EGLN1: variants seen among roughly 807,000 people sequenced by gnomAD.
The protein encoded by EGLN1 is egl-9 family hypoxia inducible factor 1, also known as egl nine homolog 1.
Under a neutral mutation model 38.3 loss-of-function variants are expected in EGLN1, and 17 were observed. The observed-to-expected ratio is 0.44, with a 90% CI of 0.30 to 0.67. The LOEUF is 0.67. Among genes scored for constraint, EGLN1 ranks in the 30% least tolerant of loss-of-function variants. EGLN1 has a pLI of 0.08. For missense variants in EGLN1, 477 were observed against 603.3 expected (o/e 0.79, Z 2.19); for synonymous variants, 283 against 257.5 (o/e 1.10, Z -0.95).
intron 1 of EGLN1, among the ~76,000 whole-genome samples, chr1:231,416,734 C>T (rs1689093152): frequency 6.6e-6 from 1 of 152,154 alleles, no homozygotes; most frequent in South Asian, 2.1e-4. Context: ...ATGTAAACTA[C>T]ACATCAACTC....
At chr1:231,396,912 C>A (rs1351670750) in intron 1 of EGLN1, among the ~76,000 whole-genome samples, 1 of 151,816 alleles carries the variant, frequency 6.6e-6, no homozygotes, top group African/African-American at 2.4e-5. Flanking sequence ...CTTGCTATGT[C>A]TCTAATCTGT....
At chr1:231,369,551 C>T in intron 3 of EGLN1, 3 of 985,212 alleles carry the variant, frequency 3.0e-6, no homozygotes, top group Non-Finnish European at 3.6e-6. Context: ...GGTTTCCATT[C>T]AGGATTTCTT....
rs572080656 is a variant in EGLN1 at position 231,412,337 on chromosome 1, T to A, written c.891+8661A>T. ...TAATTCCATTCTTCCCAATTTTCTG[T>A]AACAGTTTTATTTTCAACAGTAGGT... On this transcript the variant is annotated intron_variant, in intron 1 of 4. Transcript: ENST00000366641. Among the ~76,000 whole-genome samples the A allele has an allele frequency of 6.6e-5, 10 of 152,356 alleles. No individual in the cohort carries two copies. The Middle Eastern group carries it at 0.01, about 155-fold the overall frequency.
At chr1:231,405,959 A>G (rs1458102979) in intron 1 of EGLN1, among the ~76,000 whole-genome samples, 6 of 148,810 alleles carry the variant, frequency 4.0e-5, no homozygotes, top group African/African-American at 1.5e-4. Context: ...GTTTCATTTT[A>G]GTTAGTAAGC....
chr1:231,400,312 T>C (rs1688634364), intron 1 of EGLN1, among the ~76,000 whole-genome samples: 1 of 152,092 alleles, frequency 6.6e-6, no homozygotes, highest in East Asian at 1.9e-4. Flanking sequence ...GGTATATATA[T>C]ATTTTCTCCA....
chr1:231,417,306 TTATG>T (rs1418265002), intron 1 of EGLN1, among the ~76,000 whole-genome samples: 1 of 152,218 alleles, frequency 6.6e-6, no homozygotes, highest in African/African-American at 2.4e-5. Flanking sequence ...CTCCTTTTCT[TTATG>T]TATGTTTTAA....
intron 1 of EGLN1, among the ~76,000 whole-genome samples, chr1:231,388,238 G>A (rs1688270773): frequency 6.6e-6 from 1 of 151,050 alleles, no homozygotes; most frequent in South Asian, 2.1e-4. Context: ...GAGGATGGAG[G>A]CCTCACATTT....
chr1:231,392,618 T>TA (rs1271594595), intron 1 of EGLN1, among the ~76,000 whole-genome samples: 1 of 152,220 alleles, frequency 6.6e-6, no homozygotes, highest in Non-Finnish European at 1.5e-5. Flanking sequence ...TTCCTAGCTG[T>TA]ATTTGGAAAT....
At chr1:231,394,454 C>T (rs1472096438) in intron 1 of EGLN1, among the ~76,000 whole-genome samples, 6 of 151,386 alleles carry the variant, frequency 4.0e-5, no homozygotes, top group Non-Finnish European at 7.4e-5. Context: ...TCTCGGCTCA[C>T]TGCAAGCTCC....
In EGLN1 at chr1:231,370,588, A is replaced by G; in HGVS notation, c.1122T>C (p.His374=). 1 of 1,614,032 alleles carries G rather than the reference A, an allele frequency of 6.2e-7. No individual in the cohort carries two copies. Among genetic ancestry groups the G allele is most frequent in the South Asian group, 1.1e-5 (1 of 91,080 alleles). ...LFFWSDRRNP[H]EVQPAYATRY... Reference sequence around the variant, plus strand: ...TTGTAGCATATGCTGGTTGTACTTCATGAGGGTTGCGACGGTCAGACCAGA... The same window carrying G: ...TTGTAGCATATGCTGGTTGTACTTCGTGAGGGTTGCGACGGTCAGACCAGA... Residue 374 remains histidine (H), a synonymous_variant, in exon 3 of 5, where the codon CAT becomes CAC. Transcript: ENST00000366641.
chr1:231,376,634 T>C (rs1159578857), intron 1 of EGLN1, among the ~76,000 whole-genome samples: 1 of 152,306 alleles, frequency 6.6e-6, no homozygotes, highest in Middle Eastern at 3.4e-3. Flanking sequence ...GAGGGGACTA[T>C]TGTACTATGA....
chr1:231,365,767 A>T lies in EGLN1; in HGVS notation c.*644T>A, dbSNP rs1040089371. The T allele has an allele frequency of 4.6e-5, 7 of 152,586 alleles. No individual in the cohort carries two copies. Among genetic ancestry groups the T allele is most frequent in the African/African-American group, 1.7e-4 (7 of 41,468 alleles). The allele number at this position is 152,586 out of a possible 1,614,324, so 9.5% of individuals were successfully genotyped here. A position where few individuals can be genotyped will look rare whatever the true frequency, so the allele number is the denominator to read the frequency against. ...GGTTTCGTTATTGACAATGTCAAAA[A>T]AAAAGCAGCAATCTTTAACAGTTCA... On this transcript the variant is annotated 3_prime_UTR_variant, in exon 5 of 5. Transcript: ENST00000366641.
At chr1:231,379,784 C>T (rs1688037290) in intron 1 of EGLN1, among the ~76,000 whole-genome samples, 1 of 152,220 alleles carries the variant, frequency 6.6e-6, no homozygotes, top group South Asian at 2.1e-4. Flanking sequence ...ACATTGGCCT[C>T]GGCCAGGAAT....
intron 1 of EGLN1, among the ~76,000 whole-genome samples, chr1:231,388,430 T>C (rs1558385738): frequency 6.6e-6 from 1 of 152,214 alleles, no homozygotes; most frequent in Non-Finnish European, 1.5e-5. Flanking sequence ...TCTGCCAGCC[T>C]GCCAGGAGGT....
At chr1:231,399,662 C>A (rs1688616616) in intron 1 of EGLN1, among the ~76,000 whole-genome samples, 1 of 151,950 alleles carries the variant, frequency 6.6e-6, no homozygotes, top group African/African-American at 2.4e-5. Context: ...TCATTTACTT[C>A]TCTCAATAAT....
chr1:231,369,648 A>G, intron 3 of EGLN1: 12 of 947,396 alleles, frequency 1.3e-5, no homozygotes, highest in Non-Finnish European at 1.4e-5. Context: ...AGGAAGAAAA[A>G]AGGCACAGCT....
intron 1 of EGLN1, among the ~76,000 whole-genome samples, chr1:231,413,638 C>T (rs1689007211): frequency 6.6e-6 from 1 of 152,114 alleles, no homozygotes; most frequent in East Asian, 1.9e-4. Context: ...CTTCCTCCAA[C>T]TAGAAGATAA....
intron 1 of EGLN1, among the ~76,000 whole-genome samples, chr1:231,377,616 A>C (rs1687992481): frequency 6.6e-6 from 1 of 152,226 alleles, no homozygotes; most frequent in African/African-American, 2.4e-5. Flanking sequence ...GAGTTTATCG[A>C]TAACTGTCAA....
rs139145142 is a variant in EGLN1, at chr1:231,370,313, T to C, written c.1148+249A>G. ...AGAGTGCTAGAAAGATGGGAAGGCC[T>C]GTGCTTCCCTTTCTTCAGAGTGGCT... On this transcript the variant is annotated intron_variant, in intron 3 of 4. Transcript: ENST00000366641. Among the ~76,000 whole-genome samples, 1,137 of 152,366 alleles carry C rather than the reference T, an allele frequency of 7.5e-3. 7 individuals are homozygous for C. The highest frequency in any genetic ancestry group is 0.012 in the Non-Finnish European group (811 of 68,030).
Sources: gnomAD v4.1 joint callset for allele counts (sites outside exome capture counted in the v4.1 genomes callset) on GRCh38, gnomAD v4.1.1 for gene constraint, MANE v1.5 for transcripts, NCBI Gene and HGNC (gene_info 2026-07-23, HGNC 2026-07-21) for gene names.